Variants in KCNMA1 observed in about 807,000 individuals in gnomAD.
KCNMA1 encodes Calcium-activated potassium channel subunit alpha-1.
Under a neutral mutation model 140.0 loss-of-function variants are expected in KCNMA1, and 29 were observed. The ratio of observed to expected loss-of-function variants is 0.21; its 90% CI spans 0.15 to 0.28. KCNMA1 has a LOEUF of 0.28. KCNMA1 is among the 10% of genes least tolerant of loss of function. The pLI, the probability that KCNMA1 is intolerant of heterozygous loss-of-function variation, is 1.00. For missense variants in KCNMA1, 880 were observed against 1,602.2 expected (o/e 0.55, Z 7.70); for synonymous variants, 612 against 611.9 (o/e 1.00, Z 0.00).
intron 2 of KCNMA1, among the ~76,000 whole-genome samples, chr10:77,339,393 A>G (rs2154374119): frequency 6.6e-6 from 1 of 152,172 alleles, no homozygotes; most frequent in Middle Eastern, 3.4e-3. Context: ...CAGCCTTGCA[A>G]TTGGCTACAG....
intron 21 of KCNMA1, among the ~76,000 whole-genome samples, chr10:76,951,367 T>G (rs950513494): frequency 6.6e-6 from 1 of 152,182 alleles, no homozygotes; most frequent in African/African-American, 2.4e-5. Context: ...GGAATTCCCA[T>G]GCATCCTTCC....
chr10:77,620,408 G>A (rs2091016844), intron 1 of KCNMA1, among the ~76,000 whole-genome samples: 1 of 152,174 alleles, frequency 6.6e-6, no homozygotes, highest in African/African-American at 2.4e-5. Flanking sequence ...TGGGAGGGAG[G>A]TAAAAATAGC....
chr10:76,914,551 A>C (rs1273110226), intron 24 of KCNMA1: 1 of 333,102 alleles, frequency 3.0e-6, no homozygotes, highest in African/African-American at 2.1e-5. Context: ...TGGAGGACTC[A>C]GATTGTAGGA....
chr10:77,520,167 G>C (rs1168311019), intron 1 of KCNMA1, among the ~76,000 whole-genome samples: 7 of 63,150 alleles, frequency 1.1e-4, no homozygotes, highest in Non-Finnish European at 2.2e-4. Flanking sequence ...GGCATATGCA[G>C]TGTGAGGGCT....
chr10:77,107,425 T>A (rs751900993), intron 9 of KCNMA1, among the ~76,000 whole-genome samples: 1 of 152,202 alleles, frequency 6.6e-6, no homozygotes, highest in Non-Finnish European at 1.5e-5. Context: ...TAACTCTATG[T>A]AAGTTATACC....
At chr10:77,491,431 C>T (rs1017595850) in intron 1 of KCNMA1, among the ~76,000 whole-genome samples, 9 of 152,122 alleles carry the variant, frequency 5.9e-5, no homozygotes, top group Non-Finnish European at 1.3e-4. Context: ...AGATTCCCCC[C>T]ACGGCGTGCT....
chr10:76,925,143 T>C (rs1287877238), intron 23 of KCNMA1, among the ~76,000 whole-genome samples: 1 of 152,266 alleles, frequency 6.6e-6, no homozygotes, highest in Non-Finnish European at 1.5e-5. Flanking sequence ...TATGAATTAT[T>C]ACTAAATATA....
intron 16 of KCNMA1, among the ~76,000 whole-genome samples, chr10:77,021,696 G>A (rs1565591703): frequency 6.6e-6 from 1 of 152,206 alleles, no homozygotes; most frequent in Non-Finnish European, 1.5e-5. Flanking sequence ...CACAGATCAT[G>A]TGGATTCCAG....
At chr10:76,947,066 G>A (rs1321577099) in intron 22 of KCNMA1, among the ~76,000 whole-genome samples, 1 of 152,158 alleles carries the variant, frequency 6.6e-6, no homozygotes, top group East Asian at 1.9e-4. Flanking sequence ...CGGGCGCGGT[G>A]GCTGATGCCT....
chr10:77,259,976 A>T (rs2061606958), intron 2 of KCNMA1, among the ~76,000 whole-genome samples: 1 of 152,224 alleles, frequency 6.6e-6, no homozygotes, highest in Admixed American at 6.5e-5. Context: ...CTGGAGAATT[A>T]GTTTGAAGAC....
intron 25 of KCNMA1, 59 bp downstream of exon 25, chr10:76,909,907 G>A (rs1287956366): frequency 6.3e-7 from 1 of 1,586,532 alleles, no homozygotes; most frequent in Non-Finnish European, 8.6e-7. Context: ...AAAGGTTGGA[G>A]GTGCTCTATT....
chr10:77,506,296 C>T (rs1015805061), intron 1 of KCNMA1, among the ~76,000 whole-genome samples: 19 of 152,142 alleles, frequency 1.2e-4, no homozygotes, highest in African/African-American at 4.6e-4. Flanking sequence ...TCCCCACTGG[C>T]TGCAGCACAT....
chr10:77,030,779 G>T (rs1045408636), intron 15 of KCNMA1, among the ~76,000 whole-genome samples: 27 of 152,308 alleles, frequency 1.8e-4, no homozygotes, highest in African/African-American at 6.5e-4. Flanking sequence ...TGGACCCGCA[G>T]ATCTGAGTCC....
At chr10:77,364,177 G>A (rs555920644) in intron 2 of KCNMA1, among the ~76,000 whole-genome samples, 13 of 152,200 alleles carry the variant, frequency 8.5e-5, no homozygotes, top group East Asian at 7.7e-4. Flanking sequence ...GCGGCCGGGC[G>A]CAGTGGCTCA....
At chr10:77,057,136 A>G (rs554561691) in intron 14 of KCNMA1, among the ~76,000 whole-genome samples, 171 of 152,308 alleles carry the variant, frequency 1.1e-3, no homozygotes, top group Non-Finnish European at 1.9e-3. Flanking sequence ...TTGTAAGCAA[A>G]CAACAGAAAA....
intron 1 of KCNMA1, among the ~76,000 whole-genome samples, chr10:77,565,319 A>G (rs991169481): frequency 8.5e-5 from 13 of 152,188 alleles, no homozygotes; most frequent in African/African-American, 2.7e-4. Flanking sequence ...ACAGTGATGC[A>G]GCAGCGGGCG....
chr10:77,254,282 C>A (rs947308568), intron 2 of KCNMA1, among the ~76,000 whole-genome samples: 6 of 147,896 alleles, frequency 4.1e-5, no homozygotes, highest in Admixed American at 3.4e-4. Context: ...AGTGCAGTGG[C>A]GCGATCTCAG....
At chr10:77,553,645 C>G (rs2063395212) in intron 1 of KCNMA1, among the ~76,000 whole-genome samples, 2 of 152,238 alleles carry the variant, frequency 1.3e-5, no homozygotes, top group South Asian at 4.1e-4. Flanking sequence ...ACCCAGAAAG[C>G]TGCTTCTACT....
At chr10:77,426,163 T>C (rs952650677) in intron 1 of KCNMA1, among the ~76,000 whole-genome samples, 1 of 152,186 alleles carries the variant, frequency 6.6e-6, no homozygotes, top group African/African-American at 2.4e-5. Context: ...GTCTGGAACA[T>C]ATTTATGGCC....
Sources: allele counts gnomAD v4.1 joint callset (sites outside exome capture counted in the v4.1 genomes callset), GRCh38; gene constraint gnomAD v4.1.1; transcripts MANE v1.5; gene names NCBI Gene and HGNC (gene_info 2026-07-23, HGNC 2026-07-21).